Variants in ZNF609 observed in about 807,000 individuals in gnomAD.
ZNF609 encodes the protein zinc finger protein 609.
A neutral mutation model predicts 109.5 loss-of-function variants in ZNF609; 11 were observed. The ratio of observed to expected loss-of-function variants is 0.10; its 90% CI spans 0.06 to 0.17. The LOEUF is 0.17. Among genes scored for constraint, ZNF609 ranks in the 10% least tolerant of loss-of-function variants. ZNF609 has a pLI of 1.00. For synonymous variants in ZNF609, 646 were observed against 662.0 expected (o/e 0.98, Z 0.37); for missense variants, 1,559 against 1,772.4 (o/e 0.88, Z 2.16).
rs200965877 is a variant in ZNF609, at chr15:64,528,381, TTTA to T, written c.747+28239_747+28241del. On this transcript the variant is annotated intron_variant, in intron 2 of 9. Coordinates refer to ENST00000326648, the MANE Select transcript of ZNF609 (RefSeq NM_015042.2). Reference sequence around the variant, plus strand: ...TTTATTGGTGGGGGTTTTAAAAAAATTTATTATTATTATTATTATTATTATTTT... The same window carrying T: ...TTTATTGGTGGGGGTTTTAAAAAAATTTATTATTATTATTATTATTATTTT... Among the ~76,000 whole-genome samples the T allele has an allele frequency of 9.2e-3, 1,381 of 150,032 alleles. 10 individuals are homozygous for T. The highest frequency in any genetic ancestry group is 0.012 in the Non-Finnish European group (809 of 67,476).
intron 2 of ZNF609, among the ~76,000 whole-genome samples, chr15:64,594,939 T>C (rs1025161517): frequency 1.5e-5 from 2 of 136,806 alleles, no homozygotes; most frequent in Admixed American, 7.7e-5. Flanking sequence ...GGCAGGAGAA[T>C]GGCGTGAACC....
At chr15:64,558,741 T>G (rs1191060474) in intron 2 of ZNF609, among the ~76,000 whole-genome samples, 1 of 152,222 alleles carries the variant, frequency 6.6e-6, no homozygotes, top group Non-Finnish European at 1.5e-5. Context: ...ATTTGTTGTC[T>G]AGCACATACA....
intron 1 of ZNF609, among the ~76,000 whole-genome samples, chr15:64,490,924 G>T (rs983833509): frequency 6.6e-6 from 1 of 152,166 alleles, no homozygotes; most frequent in Non-Finnish European, 1.5e-5. Context: ...CTATTGATGA[G>T]TTGCAGCATA....
intron 3 of ZNF609, among the ~76,000 whole-genome samples, chr15:64,642,816 G>A (rs1267488354): frequency 6.6e-6 from 1 of 151,916 alleles, no homozygotes; most frequent in African/African-American, 2.4e-5. Context: ...TTATTATAAT[G>A]GTTTTCATTT....
chr15:64,607,823 CTTT>C (rs1895630371), intron 2 of ZNF609, among the ~76,000 whole-genome samples: 1 of 8,884 alleles, frequency 1.1e-4, no homozygotes, highest in Admixed American at 1.9e-3. Flanking sequence ...TTTCTTCTTT[CTTT>C]CTTTCTTTCT....
rs2083214060 is a variant in ZNF609 at position 64,682,199 on chromosome 15, G to A, written c.*513G>A. 1 of 152,610 alleles carries A rather than the reference G, an allele frequency of 6.6e-6. No individual in the cohort carries two copies. Among genetic ancestry groups the A allele is most frequent in the East Asian group, 1.9e-4 (1 of 5,192 alleles). 9.5% of individuals were successfully genotyped at this position (152,610 alleles called of 1,614,324 possible). A position where few individuals can be genotyped will look rare whatever the true frequency, so the allele number is the denominator to read the frequency against. ...CCTAGTGCTTTGCACCCTGGGAATT[G>A]GCAGCATGTGGAGGAACTAGAATCT... On this transcript the variant is annotated 3_prime_UTR_variant, in exon 10 of 10. Transcript: ENST00000326648.
At chr15:64,618,363 C>T (rs574144882) in intron 2 of ZNF609, among the ~76,000 whole-genome samples, 76 of 152,164 alleles carry the variant, frequency 5.0e-4, no homozygotes, top group Non-Finnish European at 9.3e-4. Flanking sequence ...GGCTCCAACC[C>T]CGGCAGTGTC....
chr15:64,618,182 G>T (rs1422335422), intron 2 of ZNF609, among the ~76,000 whole-genome samples: 2 of 152,024 alleles, frequency 1.3e-5, no homozygotes, highest in African/African-American at 4.8e-5. Context: ...CTAGAGTACA[G>T]TGGCACGATC....
At chr15:64,528,644 G>A (rs1284585809) in intron 2 of ZNF609, 14 of 961,966 alleles carry the variant, frequency 1.5e-5, no homozygotes, top group South Asian at 2.7e-5. Context: ...TCATGCTGTC[G>A]CTGGGCTGGT....
intron 2 of ZNF609, among the ~76,000 whole-genome samples, chr15:64,614,513 G>T (rs371653750): frequency 1.3e-5 from 2 of 152,076 alleles, no homozygotes; most frequent in African/African-American, 4.8e-5. Flanking sequence ...CATTACAGGC[G>T]TGAGCCACCG....
Position 64,674,954 on chromosome 15 carries a change from A to G in ZNF609, c.2100A>G (p.Gln700=), listed in dbSNP as rs374345766. The G allele has an allele frequency of 1.2e-5, 20 of 1,613,732 alleles. No individual in the cohort carries two copies. The highest frequency in any genetic ancestry group is 6.6e-5 in the South Asian group (6 of 91,058). The change falls in exon 5 of 10, where the codon CAA becomes CAG. Residue 700 remains glutamine (Q), a synonymous_variant. Transcript: ENST00000326648. ...CACAAGCCATGCCCAACAGTCCCCA[A>G]CTCAAGCCCATTCAGCCCAAGCCCA... ...TVAQAMPNSP[Q]LKPIQPKPTV...
chr15:64,611,225 T>C (rs1336541692), intron 2 of ZNF609, among the ~76,000 whole-genome samples: 1 of 152,198 alleles, frequency 6.6e-6, no homozygotes, highest in African/African-American at 2.4e-5. Context: ...CAGCCTTCTA[T>C]GGTAAACATA....
At chr15:64,561,636 T>A (rs192079656) in intron 2 of ZNF609, among the ~76,000 whole-genome samples, 1 of 149,716 alleles carries the variant, frequency 6.7e-6, no homozygotes, top group Non-Finnish European at 1.5e-5. Context: ...GCACAGGCAA[T>A]CCTCTTGCCT....
At chr15:64,485,641 ATTT>A (rs199510275) in intron 1 of ZNF609, among the ~76,000 whole-genome samples, 1 of 149,336 alleles carries the variant, frequency 6.7e-6, no homozygotes, top group African/African-American at 2.5e-5. Context: ...TGTCTACAAA[ATTT>A]TTTTTTTTAA....
chr15:64,528,341 G>T (rs1191951725), intron 2 of ZNF609, among the ~76,000 whole-genome samples: 2 of 151,316 alleles, frequency 1.3e-5, no homozygotes, highest in African/African-American at 2.4e-5. Flanking sequence ...TCTTGATCCA[G>T]AATCCTGGCT....
rs869043429 is a variant in ZNF609 at position 64,625,888 on chromosome 15, CAAAAAAAAAAAAA to C, written c.973+2851_973+2863del. On this transcript the variant is annotated intron_variant, in intron 3 of 9. Transcript: ENST00000326648. ...TGGGTGACAGAGCCAGACTCCATCT[CAAAAAAAAAAAAA>C]AAAAAAAAAAAAAATATATATATAT... is the stretch of plus-strand genomic sequence containing the variant. 6.5e-4 allele frequency among the ~76,000 whole-genome samples: 17 copies of C among 26,322 alleles called. 1 individual carries two copies. The highest frequency in any genetic ancestry group is 2.7e-3 in the African/African-American group (15 of 5,616). 17.3% of individuals were successfully genotyped at this position (26,322 alleles called of 152,430 possible). A position where few individuals can be genotyped will look rare whatever the true frequency, so the allele number is the denominator to read the frequency against.
intron 2 of ZNF609, among the ~76,000 whole-genome samples, chr15:64,520,086 G>C (rs1322645479): frequency 6.6e-6 from 1 of 152,140 alleles, no homozygotes; most frequent in East Asian, 1.9e-4. Flanking sequence ...CCTCATGGCA[G>C]TATGTTACAG....
chr15:64,680,562 TGTG>T (rs1413721213), intron 7 of ZNF609, 81 bp from the exon 8 acceptor site: 88 of 371,250 alleles, frequency 2.4e-4, no homozygotes, highest in Admixed American at 4.3e-4. Context: ...GCATCTCACT[TGTG>T]TGTGTGTGTG....
intron 1 of ZNF609, among the ~76,000 whole-genome samples, chr15:64,490,251 C>T (rs2140343830): frequency 6.7e-6 from 1 of 149,896 alleles, no homozygotes; most frequent in East Asian, 2.0e-4. Flanking sequence ...AGGCATAAGC[C>T]ACTGCACCCG....
Sources: allele counts gnomAD v4.1 joint callset (sites outside exome capture counted in the v4.1 genomes callset), GRCh38; gene constraint gnomAD v4.1.1; transcripts MANE v1.5; gene names NCBI Gene and HGNC (gene_info 2026-07-23, HGNC 2026-07-21).